Variants in PLA2G4E observed in about 807,000 individuals in gnomAD.
PLA2G4E encodes cytosolic phospholipase A2 epsilon.
PLA2G4E carries 84 observed loss-of-function variants against 109.1 expected under a neutral mutation model. That is an observed-to-expected ratio of 0.77 (90% CI 0.65 to 0.92). The LOEUF (loss-of-function observed/expected upper bound fraction) is 0.92. Ranked by LOEUF, PLA2G4E falls within the 40% of genes least tolerant of loss-of-function variation. PLA2G4E has a pLI of 0.00. For missense variants in PLA2G4E, 1,057 were observed against 1,076.6 expected (o/e 0.98, Z 0.25); for synonymous variants, 469 against 436.1 (o/e 1.08, Z -0.94).
At chr15:42,046,821 T>C (rs1462904713) in intron 1 of PLA2G4E, among the ~76,000 whole-genome samples, 2 of 152,196 alleles carry the variant, frequency 1.3e-5, no homozygotes. Flanking sequence ...TGAGAAGTTA[T>C]CTAAGAACAC....
At chr15:41,995,518 C>T (rs995089302) in intron 11 of PLA2G4E, 22 bp from the exon 12 acceptor site, 23 of 1,608,450 alleles carry the variant, frequency 1.4e-5, no homozygotes, top group Non-Finnish European at 1.9e-5. Context: ...CAGAGGCAGG[C>T]GGTTGGGGAA....
intron 1 of PLA2G4E, among the ~76,000 whole-genome samples, chr15:42,026,178 A>T (rs2068691506): frequency 6.6e-6 from 1 of 152,190 alleles, no homozygotes; most frequent in Non-Finnish European, 1.5e-5. Flanking sequence ...GTCTTGCCCT[A>T]CCAGGTACTA....
At chr15:42,025,585 C>T (rs1297029643) in intron 1 of PLA2G4E, among the ~76,000 whole-genome samples, 2 of 152,058 alleles carry the variant, frequency 1.3e-5, no homozygotes, top group African/African-American at 2.4e-5. Flanking sequence ...TTTACTGGGA[C>T]CCATTGTATG....
At chr15:42,036,389 G>A (rs1485678392) in intron 1 of PLA2G4E, among the ~76,000 whole-genome samples, 1 of 152,222 alleles carries the variant, frequency 6.6e-6, no homozygotes, top group Non-Finnish European at 1.5e-5. Flanking sequence ...CCAGGAGGGG[G>A]AACTGGGGAT....
chr15:41,988,131 C>T lies in PLA2G4E; in HGVS notation c.1749G>A (p.Leu583=), dbSNP rs367938951. The T allele has an allele frequency of 3.8e-4, 609 of 1,602,852 alleles. 3 individuals are homozygous for T. In the African/African-American group the frequency reaches 7.0e-3, roughly 19 times the overall value. Reference sequence around the variant, plus strand: ...ACAGGTTCCAGGCATCCAGCAGGTTCAGGGAGAAGATGCTGCTCCACAGGC... The same window carrying T: ...ACAGGTTCCAGGCATCCAGCAGGTTTAGGGAGAAGATGCTGCTCCACAGGC... Residue 583 remains leucine (L), a synonymous_variant, in exon 16 of 20, where the codon CTG becomes CTA. Transcript: ENST00000399518.
intron 11 of PLA2G4E, among the ~76,000 whole-genome samples, chr15:41,996,251 A>C (rs1171367589): frequency 6.7e-6 from 1 of 149,234 alleles, no homozygotes; most frequent in Non-Finnish European, 1.5e-5. Flanking sequence ...GGGAGGCTGA[A>C]GTAAGAGGAT....
At chr15:42,007,935 G>C in intron 2 of PLA2G4E, 70 bp from the exon 3 acceptor site, 1 of 1,504,538 alleles carries the variant, frequency 6.6e-7, no homozygotes, top group Non-Finnish European at 9.0e-7. Context: ...GGGAACTTCA[G>C]GCAAGCCTCT....
chr15:42,018,278 G>A (rs772284937), intron 1 of PLA2G4E, among the ~76,000 whole-genome samples: 4 of 152,262 alleles, frequency 2.6e-5, no homozygotes, highest in Non-Finnish European at 5.9e-5. Flanking sequence ...TGATGTGCGT[G>A]TGGGAACCAG....
intron 1 of PLA2G4E, among the ~76,000 whole-genome samples, chr15:42,026,912 G>T (rs149113981): frequency 6.6e-6 from 1 of 151,664 alleles, no homozygotes; most frequent in Non-Finnish European, 1.5e-5. Flanking sequence ...GACAGAGATT[G>T]CAGTGAGCTG....
Position 41,984,016 on chromosome 15 carries a change from A to C in PLA2G4E, c.2387-42T>G, listed in dbSNP as rs557652361. ...GACTTGTTATAGACTCTGTCATGTT[A>C]GGTTGGAATGACTTGTTTCCACATC... On this transcript the variant is annotated intron_variant, in intron 19 of 19. Transcript: ENST00000399518. 3 of 1,535,978 alleles carry C rather than the reference A, an allele frequency of 2.0e-6. No individual in the cohort carries two copies. The African/African-American group carries it at 4.1e-5, about 21-fold the overall frequency.
At chr15:42,018,377 C>T (rs1017457819) in intron 1 of PLA2G4E, among the ~76,000 whole-genome samples, 2 of 152,168 alleles carry the variant, frequency 1.3e-5, no homozygotes, top group Admixed American at 1.3e-4. Context: ...AAGCTCATCC[C>T]TAGAACAGGA....
chr15:41,987,428 T>C, intron 16 of PLA2G4E, 53 bp from the exon 17 acceptor site: 5 of 1,553,980 alleles, frequency 3.2e-6, no homozygotes, highest in Admixed American at 1.8e-5. Context: ...AGTCCCCAGA[T>C]TGCCTATGCG....
chr15:41,992,640 C>T (rs1566836990), intron 13 of PLA2G4E, 97 bp downstream of exon 13: 1 of 1,194,986 alleles, frequency 8.4e-7, no homozygotes, highest in Non-Finnish European at 1.2e-6. Context: ...CTAACCTAAT[C>T]CCCTGTGTGC....
At chr15:42,003,447 C>T (rs1033449376) in intron 5 of PLA2G4E, among the ~76,000 whole-genome samples, 13 of 152,140 alleles carry the variant, frequency 8.5e-5, no homozygotes, top group African/African-American at 2.4e-4. Context: ...TTAGTAGAGA[C>T]GGGGTTTCAC....
At chr15:42,041,557 T>G (rs1202159737) in intron 1 of PLA2G4E, among the ~76,000 whole-genome samples, 1 of 151,338 alleles carries the variant, frequency 6.6e-6, no homozygotes, top group Non-Finnish European at 1.5e-5. Context: ...GTGTATATGA[T>G]GAACTAAAGA....
intron 1 of PLA2G4E, among the ~76,000 whole-genome samples, 159 bp downstream of exon 1, chr15:42,020,776 G>A (rs1047893953): frequency 5.3e-5 from 8 of 152,140 alleles, no homozygotes; most frequent in Non-Finnish European, 1.2e-4. Flanking sequence ...GTTTTAAGAT[G>A]AGGCTGCCTG....
chr15:42,001,126 C>G (rs563304887), intron 7 of PLA2G4E, 31 bp downstream of exon 7: 1 of 1,589,824 alleles, frequency 6.3e-7, no homozygotes, highest in Non-Finnish European at 8.6e-7. Context: ...CCCCTTGTCC[C>G]CCAGTAGGCA....
chr15:42,006,620 GA>G (rs1353059027), intron 3 of PLA2G4E, among the ~76,000 whole-genome samples: 1 of 152,190 alleles, frequency 6.6e-6, no homozygotes, highest in Non-Finnish European at 1.5e-5. Flanking sequence ...TGGGGTATAT[GA>G]ACTCTATCCT....
rs12442085 is a variant in PLA2G4E, at chr15:42,022,368, G to A, written c.184-8611C>T. 2.4e-4 allele frequency among the ~76,000 whole-genome samples: 36 copies of A among 152,228 alleles called. No individual in the cohort carries two copies. The East Asian group carries it at 3.1e-3, about 13-fold the overall frequency. On this transcript the variant is annotated intron_variant, in intron 1 of 19. Coordinates refer to ENST00000399518, the Ensembl canonical transcript of PLA2G4E. ...GAGGTTAATTTTTCCGCGGGTGGGC[G>A]GGAGATGGTTTTGGGATGATACAAG... is the stretch of plus-strand genomic sequence containing the variant.
Sources: gnomAD v4.1 joint callset for allele counts (sites outside exome capture counted in the v4.1 genomes callset) on GRCh38, gnomAD v4.1.1 for gene constraint, MANE v1.5 for transcripts, NCBI Gene and HGNC (gene_info 2026-07-23, HGNC 2026-07-21) for gene names.